The following RYR3 variants were observed in gnomAD, a reference collection of about 807,000 sequenced individuals.
RYR3 encodes the protein brain ryanodine receptor-calcium release channel.
RYR3 carries 207 observed loss-of-function variants against 584.3 expected under a neutral mutation model. The ratio of observed to expected loss-of-function variants is 0.35; its 90% confidence interval spans 0.32 to 0.40. The LOEUF (loss-of-function observed/expected upper bound fraction) is 0.40. RYR3 is among the 10% of genes least tolerant of loss of function. RYR3 has a pLI of 1.00. For missense variants in RYR3, 5,616 were observed against 6,089.2 expected (o/e 0.92, Z 2.59); for synonymous variants, 2,416 against 2,248.5 (o/e 1.07, Z -2.11).
chr15:33,367,938 C>T (rs1304509920), intron 1 of RYR3, among the ~76,000 whole-genome samples: 1 of 152,092 alleles, frequency 6.6e-6, no homozygotes, highest in Non-Finnish European at 1.5e-5. Flanking sequence ...AATGAATAAT[C>T]CTCTGCATTA....
chr15:33,836,635 C>T (rs1187748851), intron 87 of RYR3, among the ~76,000 whole-genome samples: 1 of 152,096 alleles, frequency 6.6e-6, no homozygotes, highest in Admixed American at 6.5e-5. Flanking sequence ...GTTGTTCAGC[C>T]GTTTTGGACA....
chr15:33,666,673 C>A (rs1367917888), intron 36 of RYR3, among the ~76,000 whole-genome samples: 1 of 152,148 alleles, frequency 6.6e-6, no homozygotes, highest in Non-Finnish European at 1.5e-5. Context: ...AGCCCTATGT[C>A]CAGAGAGTAT....
rs572843204 is a variant in RYR3 at position 33,658,242 on chromosome 15, A to C, written c.4309-1478A>C. 4.5e-4 allele frequency among the ~76,000 whole-genome samples: 69 copies of C among 152,306 alleles called. 1 individual carries two copies. In the South Asian group the frequency reaches 0.014, roughly 30 times the overall value. ...TCCATGCTTACGTGCTTGTTGGCAG[A>C]ATTCAATTGCTTGCATTTGTAGAAC... is the stretch of plus-strand genomic sequence containing the variant. On this transcript the variant is annotated intron_variant, in intron 32 of 103. Transcript: ENST00000634891.
At chr15:33,641,257 A>G (rs556603602) in intron 27 of RYR3, among the ~76,000 whole-genome samples, 38 of 152,362 alleles carry the variant, frequency 2.5e-4, no homozygotes, top group Admixed American at 6.5e-5. Flanking sequence ...AGCTTTGTTC[A>G]CATGCTGACT....
chr15:33,559,037 T>C (rs747760290), intron 10 of RYR3, among the ~76,000 whole-genome samples: 20 of 152,140 alleles, frequency 1.3e-4, no homozygotes, highest in Non-Finnish European at 2.4e-4. Flanking sequence ...TTGCTATTAG[T>C]TGTCTGGTAC....
chr15:33,365,294 A>T (rs113274551), intron 1 of RYR3, among the ~76,000 whole-genome samples: 4 of 152,312 alleles, frequency 2.6e-5, no homozygotes, highest in African/African-American at 9.6e-5. Context: ...CCTGGACTGG[A>T]TGAATTCCAT....
chr15:33,682,220 G>A (rs112586375), intron 38 of RYR3, among the ~76,000 whole-genome samples: 9 of 152,228 alleles, frequency 5.9e-5, no homozygotes, highest in South Asian at 2.1e-4. Context: ...CAAGTGGAGC[G>A]CAATAAACAA....
At chr15:33,575,830 G>GA (rs140191363) in intron 12 of RYR3, among the ~76,000 whole-genome samples, 1 of 138,542 alleles carries the variant, frequency 7.2e-6, no homozygotes. Flanking sequence ...ACAGGAGCTG[G>GA]TTTTAAAAAA....
At chr15:33,497,762 A>G (rs1384649900) in intron 2 of RYR3, among the ~76,000 whole-genome samples, 1 of 152,160 alleles carries the variant, frequency 6.6e-6, no homozygotes, top group Non-Finnish European at 1.5e-5. Flanking sequence ...TTTAAAATAT[A>G]CATTAAATTA....
chr15:33,789,672 T>G (rs1176132115), intron 67 of RYR3, among the ~76,000 whole-genome samples: 1 of 35,938 alleles, frequency 2.8e-5, no homozygotes, highest in African/African-American at 8.0e-5. Flanking sequence ...TTTTTTTTTT[T>G]TTTTTTTTTT....
intron 1 of RYR3, among the ~76,000 whole-genome samples, chr15:33,460,976 G>C (rs1003751165): frequency 1.6e-5 from 1 of 64,030 alleles, no homozygotes; most frequent in Non-Finnish European, 3.5e-5. Context: ...ACGGAGTCTC[G>C]CTGTGTCGCC....
chr15:33,457,131 C>G (rs1450436227), intron 1 of RYR3, among the ~76,000 whole-genome samples: 1 of 152,100 alleles, frequency 6.6e-6, no homozygotes, highest in East Asian at 1.9e-4. Context: ...ATTTATTTCC[C>G]TATTTCAAAT....
At chr15:33,571,289 T>C (rs1195629311) in intron 12 of RYR3, among the ~76,000 whole-genome samples, 1 of 152,222 alleles carries the variant, frequency 6.6e-6, no homozygotes, top group Non-Finnish European at 1.5e-5. Context: ...AGCTTTTATC[T>C]TGAATGAGCA....
intron 1 of RYR3, among the ~76,000 whole-genome samples, chr15:33,337,124 A>C (rs1050401031): frequency 1.3e-5 from 2 of 150,388 alleles, no homozygotes; most frequent in Admixed American, 6.6e-5. Context: ...AAGAGAAGGC[A>C]TGAGTAATCC....
chr15:33,503,576 G>T, intron 2 of RYR3, 55 bp from the exon 3 acceptor site: 1 of 1,038,708 alleles, frequency 9.6e-7, no homozygotes, highest in South Asian at 1.4e-5. Context: ...GTTGTTGCGT[G>T]ACTGATCTCT....
chr15:33,694,818 T>C (rs2065721125), intron 38 of RYR3, among the ~76,000 whole-genome samples: 2 of 152,214 alleles, frequency 1.3e-5, no homozygotes, highest in Non-Finnish European at 2.9e-5. Context: ...GTGTCCTTTT[T>C]TAAGGTTCTC....
At chr15:33,432,668 TTG>T (rs58292418) in intron 1 of RYR3, among the ~76,000 whole-genome samples, 188 of 132,162 alleles carry the variant, frequency 1.4e-3, no homozygotes, top group Admixed American at 2.0e-3. Context: ...GCCTAGCTAA[TTG>T]TGTGTGTGTG....
chr15:33,859,791 T>G (rs1157668874), intron 100 of RYR3, 60 bp downstream of exon 100: 1 of 1,503,146 alleles, frequency 6.7e-7, no homozygotes, highest in African/African-American at 1.4e-5. Context: ...TTTGCTTTCT[T>G]CCATCTATGA....
At chr15:33,317,460 A>G (rs975051233) in intron 1 of RYR3, among the ~76,000 whole-genome samples, 2 of 151,860 alleles carry the variant, frequency 1.3e-5, no homozygotes, top group East Asian at 3.9e-4. Flanking sequence ...CCTCTCAGCC[A>G]TCTTCTTGTT....
Sources: gnomAD v4.1 joint callset for allele counts (sites outside exome capture counted in the v4.1 genomes callset) on GRCh38, gnomAD v4.1.1 for gene constraint, MANE v1.5 for transcripts, NCBI Gene and HGNC (gene_info 2026-07-23, HGNC 2026-07-21) for gene names.